The following EVPLL variants were observed in gnomAD, a reference collection of about 807,000 sequenced individuals.
EVPLL encodes the protein envoplakin-like protein.
EVPLL carries 39 observed loss-of-function variants against 46.2 expected under a neutral mutation model. The observed-to-expected ratio is 0.84, with a 90% CI of 0.65 to 1.10. The LOEUF is 1.10. EVPLL is among the 50% of genes least tolerant of loss of function. The probability of loss-of-function intolerance (pLI) is 0.00; values close to 1 mark genes in which losing one functional copy is unlikely to be tolerated. For synonymous variants in EVPLL, 156 were observed against 165.8 expected (o/e 0.94, Z 0.46); for missense variants, 385 against 412.6 (o/e 0.93, Z 0.58).
chr17:18,385,191 A>G (rs1265413547), intron 9 of EVPLL, among the ~76,000 whole-genome samples: 1 of 139,028 alleles, frequency 7.2e-6, no homozygotes, highest in Non-Finnish European at 1.6e-5. Flanking sequence ...AGCCCCTGAG[A>G]GTCCTTCCTC....
rs1448564828 is a variant in EVPLL at position 18,383,476 on chromosome 17, G to A, written c.781-16G>A. On this transcript the variant is annotated splice_polypyrimidine_tract_variant and intron_variant, in intron 8 of 10. Coordinates refer to ENST00000399134, the MANE Select transcript of EVPLL (RefSeq NM_001145127.2). ...GGGCGGGGCGTGGTCCGAGGGCTCC[G>A]TGCTGCGGTACCCAGGCCCACCAGG... The A allele has an allele frequency of 1.3e-6, 2 of 1,560,750 alleles. No homozygotes were observed. Among genetic ancestry groups the A allele is most frequent in the Non-Finnish European group, 1.7e-6 (2 of 1,152,790 alleles).
At position 18,382,971 on chromosome 17, in the gene EVPLL, G is replaced by A. The variant is rs1249928521; in HGVS notation, c.512-54G>A. ...TGAGCGCCGCCCAATGGCGCCTTTT[G>A]CCCCCCACTTTCTCTCTCCCCACCC... On this transcript the variant is annotated intron_variant, in intron 6 of 10. Coordinates refer to ENST00000399134, the MANE Select transcript of EVPLL (RefSeq NM_001145127.2). The A allele has an allele frequency of 2.6e-6, 4 of 1,567,244 alleles. No individual in the cohort carries two copies. In the Admixed American group the frequency reaches 5.7e-5, roughly 22 times the overall value.
At chr17:18,382,172 C>A (rs1056722394) in intron 4 of EVPLL, 2 of 343,466 alleles carry the variant, frequency 5.8e-6, no homozygotes, top group Admixed American at 8.0e-5. Context: ...TGCAGCAGGG[C>A]GTTCTGAGGG....
At chr17:18,384,524 G>C (rs664958) in intron 9 of EVPLL, among the ~76,000 whole-genome samples, 4 of 151,500 alleles carry the variant, frequency 2.6e-5, no homozygotes, top group African/African-American at 9.7e-5. Flanking sequence ...GAGCCCAGGA[G>C]TTGGAGACCA....
chr17:18,382,418 A>C, intron 4 of EVPLL, 95 bp from the exon 5 acceptor site: 3 of 1,511,842 alleles, frequency 2.0e-6, no homozygotes, highest in Non-Finnish European at 2.7e-6. Flanking sequence ...GCTCTGCCCA[A>C]ATGACCAAGT....
At chr17:18,386,493 C>T (rs1445341156) in intron 9 of EVPLL, 1 of 152,148 alleles carries the variant, frequency 6.6e-6, no homozygotes, top group African/African-American at 2.4e-5. Flanking sequence ...AGTGTCTGCC[C>T]AAGACATGCG....
rs1308148954 is a variant in EVPLL at position 18,383,418 on chromosome 17, G to C, written c.780+40G>C. On this transcript the variant is annotated intron_variant, in intron 8 of 10. Coordinates refer to ENST00000399134, the MANE Select transcript of EVPLL (RefSeq NM_001145127.2). ...GGGCGAGAGTGAGAAGGGACGTGGTGGGCGGGGAAGGGGGGGGTGGACGTG... is the reference window on the plus strand; with the variant it reads ...GGGCGAGAGTGAGAAGGGACGTGGTCGGCGGGGAAGGGGGGGGTGGACGTG... The C allele has an allele frequency of 3.2e-6, 5 of 1,544,264 alleles. No homozygotes were observed. In the South Asian group the frequency reaches 3.6e-5, roughly 11 times the overall value.
chr17:18,387,151 G>A (rs57015188), intron 9 of EVPLL, among the ~76,000 whole-genome samples: 91 of 149,782 alleles, frequency 6.1e-4, no homozygotes, highest in Middle Eastern at 3.4e-3. Context: ...TGCCCGCCTC[G>A]GCCTCCCAAA....
intron 9 of EVPLL, 42 bp downstream of exon 9, chr17:18,383,629 G>T: frequency 2.3e-6 from 3 of 1,284,354 alleles, no homozygotes; most frequent in South Asian, 1.3e-5. Context: ...GCGGCAGGGC[G>T]GGAGGTCCCA....
chr17:18,381,479 C>A lies in EVPLL; in HGVS notation c.176C>A (p.Ala59Asp). ...GACCTCTTCCTGGACGTGGACAAGG[C>A]CCGGCGGCTCAAGCACCCGCAGGCT... is the stretch of plus-strand genomic sequence containing the variant. ...LKDLFLDVDKARRLKHPQAEE... is the reference protein window; with the variant it reads ...LKDLFLDVDKDRRLKHPQAEE... Residue 59 changes from alanine to aspartate, a missense_variant, in exon 3 of 11, where the codon GCC (alanine) becomes GAC (aspartate). By Grantham distance (126) the Ala-to-Asp change is moderately radical. Transcript: ENST00000399134. This position sits in a 1 kb window ranked among gnomAD's most constrained non-coding sequence, Gnocchi z 4.2. The A allele has an allele frequency of 6.2e-7, 1 of 1,613,868 alleles. No individual in the cohort carries two copies. Among genetic ancestry groups the A allele is most frequent in the South Asian group, 1.1e-5 (1 of 91,070 alleles).
chr17:18,378,779 C>A (rs1254172403), intron 1 of EVPLL, among the ~76,000 whole-genome samples: 2 of 149,096 alleles, frequency 1.3e-5, no homozygotes, highest in African/African-American at 5.0e-5. Context: ...GTGACTCTGT[C>A]TTTAAAAAAA....
At chr17:18,388,151 A>G in intron 9 of EVPLL, 68 bp from the exon 10 acceptor site, 3 of 957,586 alleles carry the variant, frequency 3.1e-6, no homozygotes, top group Non-Finnish European at 4.9e-6. Context: ...CCCATAGTGT[A>G]GGACCCTTAC....
In EVPLL at chr17:18,383,494, C is replaced by G; in HGVS notation, c.783C>G (p.Ala261=). ...LRHPAVGPIQ[A]HQEALKMEWQ... is the part of the protein sequence containing the mutation. ...GGGCTCCGTGCTGCGGTACCCAGGC[C>G]CACCAGGAGGCCCTGAAGATGGAGT... Residue 261 remains alanine (A), a splice_region_variant and synonymous_variant, in exon 9 of 11, where the codon GCC becomes GCG. Coordinates refer to ENST00000399134, the MANE Select transcript of EVPLL (RefSeq NM_001145127.2). The G allele has an allele frequency of 6.3e-7, 1 of 1,575,696 alleles. No individual in the cohort carries two copies. The highest frequency in any genetic ancestry group is 8.6e-7 in the Non-Finnish European group (1 of 1,160,726).
At chr17:18,386,767 C>G (rs904460656) in intron 9 of EVPLL, among the ~76,000 whole-genome samples, 15 of 152,070 alleles carry the variant, frequency 9.9e-5, no homozygotes, top group African/African-American at 3.4e-4. Flanking sequence ...CTGCTTGAAC[C>G]CAAGGGGCTC....
At position 18,388,891 on chromosome 17, in the gene EVPLL, A is replaced by C. The variant is rs944314262; in HGVS notation, c.*75A>C. ...CACGTGCAGAGAGAGAGGAACTTCC[A>C]GTGCCCGCTATGGAGCCACAGCCCA... On this transcript the variant is annotated 3_prime_UTR_variant, in exon 11 of 11. Transcript: ENST00000399134. 1.3e-5 allele frequency: 2 copies of C among 148,180 alleles called. No individual in the cohort carries two copies. The highest frequency in any genetic ancestry group is 3.0e-5 in the Non-Finnish European group (2 of 66,834). The allele number at this position is 148,180 out of a possible 1,614,324, so 9.2% of individuals were successfully genotyped here. A position where few individuals can be genotyped will look rare whatever the true frequency, so the allele number is the denominator to read the frequency against.
intron 9 of EVPLL, among the ~76,000 whole-genome samples, chr17:18,384,656 C>T (rs1465154725): frequency 6.6e-6 from 1 of 152,112 alleles, no homozygotes; most frequent in Non-Finnish European, 1.5e-5. Flanking sequence ...CACTTGAGCC[C>T]GGGAAGTCGA....
At chr17:18,379,761 T>A (rs1378989678) in intron 1 of EVPLL, 3 of 152,244 alleles carry the variant, frequency 2.0e-5, no homozygotes, top group African/African-American at 7.2e-5. Flanking sequence ...AGCCCTCTAG[T>A]GGGATAAAAA....
intron 1 of EVPLL, 88 bp from the exon 2 acceptor site, chr17:18,380,814 G>T: frequency 9.1e-7 from 1 of 1,104,158 alleles, no homozygotes; most frequent in Non-Finnish European, 1.3e-6. Context: ...GGCGGGATGG[G>T]GTGGAGAGAG....
rs1285920697 is a variant in EVPLL, at chr17:18,383,156, G to A, written c.643G>A (p.Asp215Asn). The change falls in exon 7 of 11, where the codon GAC becomes AAC. Residue 215 changes from aspartate (D) to asparagine (N), a missense_variant. Physicochemically the swap from Asp to Asn is conservative, Grantham distance 23. Transcript: ENST00000399134. ...GCAGGACTGGAGCGACCTCATGGCC[G>A]ACCCTGCGGGCGTGCGGCGGGAATA... ...LQQDWSDLMA[D>N]PAGVRREYEH... is the part of the protein sequence containing the mutation. 1.9e-6 allele frequency: 3 copies of A among 1,551,986 alleles called. No homozygotes were observed. The highest frequency in any genetic ancestry group is 2.6e-6 in the Non-Finnish European group (3 of 1,154,816).
Sources: gnomAD v4.1 joint callset for allele counts (sites outside exome capture counted in the v4.1 genomes callset) on GRCh38, gnomAD v4.1.1 for gene constraint, Gnocchi (gnomAD v3.1) non-coding constraint, MANE v1.5 for transcripts, NCBI Gene and HGNC (gene_info 2026-07-23, HGNC 2026-07-21) for gene names.